The following LGSN variants were observed in gnomAD, a reference collection of about 807,000 sequenced individuals.
LGSN encodes the protein lengsin.
In LGSN, 21 loss-of-function variants were observed where a neutral mutation model predicts 19.5. The ratio of observed to expected loss-of-function variants is 1.07; its 90% CI spans 0.76 to 1.55. The LOEUF (loss-of-function observed/expected upper bound fraction) is 1.55. Ranked by LOEUF, LGSN falls within the 40% of genes most tolerant of loss-of-function variation. The probability of loss-of-function intolerance (pLI) is 0.00; values close to 1 mark genes in which losing one functional copy is unlikely to be tolerated. For missense variants in LGSN, 673 were observed against 608.5 expected (o/e 1.11, Z -1.12); for synonymous variants, 257 against 215.6 (o/e 1.19, Z -1.68).
chr6:63,378,545 G>A, the LGSN span, among the ~76,000 whole-genome samples: 1 of 152,156 alleles, frequency 6.6e-6, no homozygotes, highest in Non-Finnish European at 1.5e-5. Context: ...TTGGCTCATA[G>A]TTCTGCAGAC....
chr6:63,494,230 A>G, the LGSN span, among the ~76,000 whole-genome samples: 3 of 152,152 alleles, frequency 2.0e-5, no homozygotes, highest in Admixed American at 2.0e-4. Flanking sequence ...GATTACAGGC[A>G]TGAACCACCA....
chr6:63,544,516 A>T, the LGSN span, among the ~76,000 whole-genome samples: 2 of 152,178 alleles, frequency 1.3e-5, no homozygotes, highest in Non-Finnish European at 2.9e-5. Flanking sequence ...TACACTAGCT[A>T]GAATTTATCT....
chr6:63,455,480 C>T, the LGSN span, among the ~76,000 whole-genome samples: 6 of 152,168 alleles, frequency 3.9e-5, no homozygotes, highest in East Asian at 3.8e-4. Flanking sequence ...GTGAGTGGGG[C>T]GAGGTGGCTC....
At chr6:63,541,649 G>A in the LGSN span, among the ~76,000 whole-genome samples, 125 of 152,254 alleles carry the variant, frequency 8.2e-4, no homozygotes, top group African/African-American at 2.9e-3. Flanking sequence ...CCCCTTGATT[G>A]ATGAACTTAC....
chr6:63,550,610 T>G, the LGSN span: 7 of 152,382 alleles, frequency 4.6e-5, no homozygotes, highest in Admixed American at 4.6e-4. Flanking sequence ...GTGATATTTG[T>G]TTTTGGTTGG....
Position 63,299,090 on chromosome 6 carries a change from C to T in LGSN, c.31-4045G>A, listed in dbSNP as rs150557839. Reference sequence around the variant, plus strand: ...GTCCACACATAGAGAATTATTTCCTCGCCTTATTAATTAATGGGCTCCAAC... The same window carrying T: ...GTCCACACATAGAGAATTATTTCCTTGCCTTATTAATTAATGGGCTCCAAC... On this transcript the variant is annotated intron_variant, in intron 1 of 3. Coordinates refer to ENST00000370657, the MANE Select transcript of LGSN (RefSeq NM_016571.3). Among the ~76,000 whole-genome samples, 5 of 152,234 alleles carry T rather than the reference C, an allele frequency of 3.3e-5. No individual in the cohort carries two copies. The East Asian group carries it at 9.6e-4, about 29-fold the overall frequency.
At chr6:63,457,273 G>A in the LGSN span, among the ~76,000 whole-genome samples, 1 of 152,150 alleles carries the variant, frequency 6.6e-6, no homozygotes, top group African/African-American at 2.4e-5. Flanking sequence ...GGGAGTCCGA[G>A]GCGGGTGGAT....
chr6:63,428,069 A>C, the LGSN span, among the ~76,000 whole-genome samples: 1 of 152,300 alleles, frequency 6.6e-6, no homozygotes, highest in East Asian at 1.9e-4. Context: ...TAAAACAGCT[A>C]TATTTGTGAT....
At chr6:63,374,401 A>C in the LGSN span, among the ~76,000 whole-genome samples, 81 of 152,350 alleles carry the variant, frequency 5.3e-4, no homozygotes, top group African/African-American at 1.8e-3. Context: ...GGTTCCAAAA[A>C]GAAGGGTAAC....
chr6:63,435,762 T>C, the LGSN span, among the ~76,000 whole-genome samples: 10 of 151,980 alleles, frequency 6.6e-5, no homozygotes, highest in South Asian at 1.9e-3. Flanking sequence ...AAAAATAAAA[T>C]CGAATTGAAT....
chr6:63,535,666 C>T, the LGSN span, among the ~76,000 whole-genome samples: 1 of 152,068 alleles, frequency 6.6e-6, no homozygotes, highest in Admixed American at 6.5e-5. Flanking sequence ...CTTAGAGCAA[C>T]ATCATAAACA....
At chr6:63,500,128 C>T in the LGSN span, among the ~76,000 whole-genome samples, 1 of 152,134 alleles carries the variant, frequency 6.6e-6, no homozygotes, top group East Asian at 1.9e-4. Context: ...CTTCTCCTGG[C>T]CAGTATTGTC....
Position 63,277,505 on chromosome 6 carries a change from CAT to C in LGSN, c.*2514_*2515del, listed in dbSNP as rs1170522419. On this transcript the variant is annotated 3_prime_UTR_variant, in exon 4 of 4. Coordinates refer to ENST00000370657, the MANE Select transcript of LGSN (RefSeq NM_016571.3). ...CACACAAACACACATACAACACACA[CAT>C]GGAAAAGAGAAAATAAATTTCATTG... is the stretch of plus-strand genomic sequence containing the variant. 1 of 152,198 alleles carries C rather than the reference CAT, an allele frequency of 6.6e-6. No homozygotes were observed. Among genetic ancestry groups the C allele is most frequent in the Non-Finnish European group, 1.5e-5 (1 of 68,044 alleles). The allele number at this position is 152,198 out of a possible 1,614,324, so 9.4% of individuals were successfully genotyped here. A position where few individuals can be genotyped will look rare whatever the true frequency, so the allele number is the denominator to read the frequency against.
the LGSN span, among the ~76,000 whole-genome samples, chr6:63,473,980 G>A: frequency 6.7e-6 from 1 of 150,178 alleles, no homozygotes; most frequent in Non-Finnish European, 1.5e-5. Flanking sequence ...TTCACAATGT[G>A]CTGAGTTTAA....
the LGSN span, among the ~76,000 whole-genome samples, chr6:63,404,430 G>A: frequency 6.6e-6 from 1 of 152,020 alleles, no homozygotes; most frequent in Non-Finnish European, 1.5e-5. Flanking sequence ...ATTTACTATA[G>A]AAATCTTAGT....
At chr6:63,497,918 C>CTTTTTTTTTTTTTTTTTTTTTTTTTT in the LGSN span, among the ~76,000 whole-genome samples, 3 of 121,904 alleles carry the variant, frequency 2.5e-5, no homozygotes, top group African/African-American at 3.5e-5. Context: ...TGTCATGTTT[C>CTTTTTTTTTTTTTTTTTTTTTTTTTT]TTTTTTTTTT....
At chr6:63,292,104 C>T (rs1355822027) in intron 2 of LGSN, among the ~76,000 whole-genome samples, 1 of 152,174 alleles carries the variant, frequency 6.6e-6, no homozygotes, top group African/African-American at 2.4e-5. Context: ...AACCTCACTT[C>T]TACAGTCACA....
the LGSN span, among the ~76,000 whole-genome samples, chr6:63,409,582 G>A: frequency 2.0e-5 from 3 of 152,114 alleles, no homozygotes; most frequent in African/African-American, 7.2e-5. Context: ...ACAGTTAATA[G>A]CTGTATAATT....
the LGSN span, among the ~76,000 whole-genome samples, chr6:63,338,090 T>C: frequency 6.6e-6 from 1 of 152,110 alleles, no homozygotes; most frequent in Non-Finnish European, 1.5e-5. Flanking sequence ...TTCACCATCT[T>C]GGCCAGGCTG....
Sources: allele counts gnomAD v4.1 joint callset (sites outside exome capture counted in the v4.1 genomes callset), GRCh38; gene constraint gnomAD v4.1.1; transcripts MANE v1.5; gene names NCBI Gene and HGNC (gene_info 2026-07-23, HGNC 2026-07-21).